The following SPMIP2 variants were observed in gnomAD, a reference collection of about 807,000 sequenced individuals.
SPMIP2 encodes the protein sperm microtubule inner protein 2.
At chr4:159,007,945 T>C in the SPMIP2 span, 1 of 390,278 alleles carries the variant, frequency 2.6e-6, no homozygotes, top group Non-Finnish European at 5.0e-6. Context: ...CTTTAAGAAA[T>C]GGTATATTTC....
chr4:158,997,554 A>G, the SPMIP2 span, among the ~76,000 whole-genome samples: 10 of 152,288 alleles, frequency 6.6e-5, no homozygotes, highest in Admixed American at 4.6e-4. Context: ...AGCAATGCAA[A>G]GAAATGAAGG....
chr4:159,075,491 G>C, the SPMIP2 span, among the ~76,000 whole-genome samples: 1 of 152,096 alleles, frequency 6.6e-6, no homozygotes, highest in Non-Finnish European at 1.5e-5. Flanking sequence ...ATAATGATGA[G>C]AGATTTCTAG....
At chr4:158,901,962 T>C in the SPMIP2 span, among the ~76,000 whole-genome samples, 6 of 152,058 alleles carry the variant, frequency 3.9e-5, no homozygotes, top group African/African-American at 1.4e-4. Context: ...AGTTTGTTAT[T>C]ACCCACCTTC....
At chr4:158,905,352 C>CT in the SPMIP2 span, 3 of 152,180 alleles carry the variant, frequency 2.0e-5, no homozygotes, top group Admixed American at 1.3e-4. Context: ...TTTCAGCAGC[C>CT]TTTTTAAGAG....
chr4:158,921,159 C>T, the SPMIP2 span, among the ~76,000 whole-genome samples: 7 of 148,846 alleles, frequency 4.7e-5, no homozygotes, highest in Non-Finnish European at 7.4e-5. Flanking sequence ...AAAGTGTAGG[C>T]TGAGCACAGT....
the SPMIP2 span, among the ~76,000 whole-genome samples, chr4:158,931,864 C>T: frequency 1.3e-5 from 2 of 152,088 alleles, no homozygotes; most frequent in Non-Finnish European, 2.9e-5. Context: ...CATCCAGCAA[C>T]TCCAGAATTT....
At chr4:158,942,408 G>C in the SPMIP2 span, among the ~76,000 whole-genome samples, 101 of 152,252 alleles carry the variant, frequency 6.6e-4, no homozygotes, top group Non-Finnish European at 1.2e-3. Flanking sequence ...ATGTTAACAG[G>C]CTTTGCACTC....
At chr4:158,964,159 AAAC>A in the SPMIP2 span, among the ~76,000 whole-genome samples, 5 of 91,342 alleles carry the variant, frequency 5.5e-5, no homozygotes, top group Non-Finnish European at 1.1e-4. Context: ...TCTCAAAACA[AAAC>A]AAAACAAAAC....
At chr4:159,040,621 A>G in the SPMIP2 span, among the ~76,000 whole-genome samples, 2 of 152,038 alleles carry the variant, frequency 1.3e-5, no homozygotes, top group East Asian at 3.9e-4. Context: ...GTGTACCACC[A>G]CACTTGGCTA....
the SPMIP2 span, among the ~76,000 whole-genome samples, chr4:158,923,946 G>C: frequency 3.3e-5 from 5 of 152,074 alleles, no homozygotes; most frequent in African/African-American, 1.2e-4. Context: ...TTGCTGATAG[G>C]ACCTATAAGG....
chr4:158,991,968 T>C, the SPMIP2 span, among the ~76,000 whole-genome samples: 2 of 152,198 alleles, frequency 1.3e-5, no homozygotes, highest in Non-Finnish European at 2.9e-5. Flanking sequence ...CCTAGCTCAC[T>C]GCAGCCTTGA....
At chr4:159,019,781 A>G in the SPMIP2 span, among the ~76,000 whole-genome samples, 1 of 152,186 alleles carries the variant, frequency 6.6e-6, no homozygotes, top group Non-Finnish European at 1.5e-5. Context: ...CTAAAATCAG[A>G]AGAAAAGGCA....
chr4:158,964,899 A>T, the SPMIP2 span, among the ~76,000 whole-genome samples: 1 of 152,304 alleles, frequency 6.6e-6, no homozygotes, highest in East Asian at 1.9e-4. Context: ...CAACAGGAGA[A>T]CATCACAGGA....
the SPMIP2 span, among the ~76,000 whole-genome samples, chr4:158,897,031 G>A: frequency 6.7e-6 from 1 of 149,324 alleles, no homozygotes. Flanking sequence ...GGTGTGTGAT[G>A]TTCCCCTTCC....
At chr4:159,038,353 T>C in the SPMIP2 span, among the ~76,000 whole-genome samples, 1 of 152,188 alleles carries the variant, frequency 6.6e-6, no homozygotes, top group South Asian at 2.1e-4. Context: ...AGGTAAGAAA[T>C]GGTAACATAG....
the SPMIP2 span, among the ~76,000 whole-genome samples, chr4:159,024,902 T>G: frequency 2.6e-5 from 4 of 152,312 alleles, no homozygotes; most frequent in Admixed American, 6.5e-5. Context: ...CAGGTGACGA[T>G]ATGCATATAC....
At chr4:159,015,096 A>G in the SPMIP2 span, among the ~76,000 whole-genome samples, 2 of 152,240 alleles carry the variant, frequency 1.3e-5, no homozygotes, top group African/African-American at 4.8e-5. Context: ...GACTGTAAAT[A>G]ATTTAACAAT....
the SPMIP2 span, among the ~76,000 whole-genome samples, chr4:158,961,088 A>C: frequency 1.3e-5 from 2 of 152,168 alleles, no homozygotes; most frequent in African/African-American, 2.4e-5. Flanking sequence ...AGGATTGAGA[A>C]GCCATGACAT....
chr4:158,999,095 T>C, the SPMIP2 span, among the ~76,000 whole-genome samples: 1 of 150,422 alleles, frequency 6.6e-6, no homozygotes, highest in Non-Finnish European at 1.5e-5. Flanking sequence ...GCCCAGGAGG[T>C]CAGGAGGTTG....
Sources: gnomAD v4.1 joint callset for allele counts (sites outside exome capture counted in the v4.1 genomes callset) on GRCh38, gnomAD v4.1.1 for gene constraint, MANE v1.5 for transcripts, NCBI Gene and HGNC (gene_info 2026-07-23, HGNC 2026-07-21) for gene names.